Variants in PARD3 observed in about 807,000 individuals in gnomAD.
PARD3 encodes the protein par-3 family cell polarity regulator.
Under a neutral mutation model 155.4 loss-of-function variants are expected in PARD3, and 75 were observed. That is an observed-to-expected ratio of 0.48 (90% confidence interval 0.40 to 0.58). The LOEUF (loss-of-function observed/expected upper bound fraction) is 0.58. PARD3 is among the 20% of genes least tolerant of loss of function. The pLI is 0.00. For synonymous variants in PARD3, 576 were observed against 610.5 expected, an observed-to-expected ratio of 0.94 and a Z score of 0.83; for missense variants, 1,642 against 1,721.7, an observed-to-expected ratio of 0.95 and a Z score of 0.82.
chr10:34,610,880 G>C (rs2090841498), intron 2 of PARD3, among the ~76,000 whole-genome samples: 1 of 152,100 alleles, frequency 6.6e-6, no homozygotes, highest in Non-Finnish European at 1.5e-5. Context: ...GTCTGTAAAG[G>C]GTGGTGTGTG....
intron 1 of PARD3, among the ~76,000 whole-genome samples, chr10:34,797,778 T>C (rs1224228566): frequency 2.6e-5 from 4 of 152,184 alleles, no homozygotes; most frequent in African/African-American, 9.7e-5. Context: ...CCGTGCTGTC[T>C]CTCACTGCCC....
At chr10:34,496,362 T>C (rs1421421265) in intron 3 of PARD3, among the ~76,000 whole-genome samples, 1 of 152,128 alleles carries the variant, frequency 6.6e-6, no homozygotes, top group Non-Finnish European at 1.5e-5. Context: ...TATAGAAATA[T>C]TCCCCTACTA....
chr10:34,182,024 C>A (rs574602056), intron 22 of PARD3, among the ~76,000 whole-genome samples: 1 of 152,348 alleles, frequency 6.6e-6, no homozygotes, highest in South Asian at 2.1e-4. Flanking sequence ...GCTAACACTG[C>A]TCTCTTTCTG....
intron 22 of PARD3, among the ~76,000 whole-genome samples, chr10:34,155,688 G>GTGTT: frequency 6.6e-6 from 1 of 151,518 alleles, no homozygotes; most frequent in East Asian, 1.9e-4. Flanking sequence ...GTGTGTGTGT[G>GTGTT]TGTGTGTGTG....
At chr10:34,111,779 C>T (rs1946396410) in intron 24 of PARD3, among the ~76,000 whole-genome samples, 1 of 152,174 alleles carries the variant, frequency 6.6e-6, no homozygotes, top group Admixed American at 6.5e-5. Context: ...AACGAGTAAA[C>T]AGGAGAGAGA....
chr10:34,118,715 C>T (rs1946820144), intron 24 of PARD3, among the ~76,000 whole-genome samples: 1 of 152,172 alleles, frequency 6.6e-6, no homozygotes, highest in Admixed American at 6.5e-5. Context: ...CATTTGTCTC[C>T]TAACTCCCTA....
rs139581534 is a variant in PARD3 at position 34,416,949 on chromosome 10, G to C, written c.715-15032C>G. Among the ~76,000 whole-genome samples the C allele has an allele frequency of 9.8e-5, 15 of 152,288 alleles. No individual in the cohort carries two copies. In the East Asian group the frequency reaches 2.9e-3, roughly 29 times the overall value. ...TGGCCATAGGCCAAGCTAACTTTGG[G>C]AGGAATTTAGTTTACAGTTTAACCT... On this transcript the variant is annotated intron_variant, in intron 5 of 24. Coordinates refer to ENST00000374788, the MANE Select transcript of PARD3 (RefSeq NM_001184785.2).
chr10:34,450,492 C>T, intron 4 of PARD3, 44 bp from the exon 5 acceptor site: 1 of 1,575,362 alleles, frequency 6.3e-7, no homozygotes, highest in Middle Eastern at 2.3e-4. Context: ...AAAACCAGAC[C>T]TTGCAAATCA....
At position 34,337,386 on chromosome 10, in the gene PARD3, G is replaced by T. The variant is rs368537043; in HGVS notation, c.2449C>A (p.Arg817=). ...PDVDPVLAFQ[R]EGFGRQSMSE... ...ATACTCTGACGTCCAAATCCTTCTC[G>T]TTGAAAAGCAAGAACTGGATCAACA... is the stretch of plus-strand genomic sequence containing the variant. Residue 817 remains arginine (R), a synonymous_variant, in exon 17 of 25, where the codon CGA becomes AGA. Transcript: ENST00000374788. 2 of 1,599,456 alleles carry T rather than the reference G, an allele frequency of 1.3e-6. No homozygotes were observed. The highest frequency in any genetic ancestry group is 1.7e-6 in the Non-Finnish European group (2 of 1,173,208).
intron 23 of PARD3, among the ~76,000 whole-genome samples, chr10:34,123,691 T>C (rs1947126560): frequency 6.6e-6 from 1 of 152,150 alleles, no homozygotes; most frequent in Non-Finnish European, 1.5e-5. Flanking sequence ...CACCTTTGCC[T>C]CCCAAAGTGC....
Position 34,421,513 on chromosome 10 carries a change from A to G in PARD3, c.715-19596T>C, listed in dbSNP as rs564778924. 1.7e-3 allele frequency among the ~76,000 whole-genome samples: 264 copies of G among 152,216 alleles called. 1 individual carries two copies. The highest frequency in any genetic ancestry group is 6.2e-3 in the African/African-American group (256 of 41,556). On this transcript the variant is annotated intron_variant, in intron 5 of 24. Transcript: ENST00000374788. ...TTTTCATTCAACTTAAAAGCACAGG[A>G]ATCACTACCGCTTGAAGTAAACTTT...
chr10:34,411,788 T>G (rs1845099152), intron 5 of PARD3, among the ~76,000 whole-genome samples: 1 of 151,830 alleles, frequency 6.6e-6, no homozygotes, highest in Admixed American at 6.6e-5. Context: ...AGACAGAATC[T>G]CCATTCTACC....
At chr10:34,714,242 G>A (rs530847442) in intron 1 of PARD3, among the ~76,000 whole-genome samples, 27 of 152,186 alleles carry the variant, frequency 1.8e-4, no homozygotes, top group African/African-American at 6.5e-4. Context: ...GCTCCCAAAT[G>A]ACTTCAACAT....
chr10:34,232,539 T>A (rs895701112), intron 22 of PARD3, among the ~76,000 whole-genome samples: 4 of 152,128 alleles, frequency 2.6e-5, no homozygotes, highest in African/African-American at 9.7e-5. Context: ...GAATGAAATG[T>A]TCCTCTTTTA....
chr10:34,702,158 G>A (rs530880438), intron 1 of PARD3, among the ~76,000 whole-genome samples: 4 of 150,796 alleles, frequency 2.7e-5, no homozygotes, highest in East Asian at 2.0e-4. Flanking sequence ...GCAACACTCC[G>A]TCTCAAAATA....
intron 22 of PARD3, among the ~76,000 whole-genome samples, chr10:34,264,032 T>C (rs1269628633): frequency 3.9e-5 from 6 of 152,212 alleles, no homozygotes; most frequent in Admixed American, 2.6e-4. Flanking sequence ...CAATTCATTA[T>C]ACAGATGGTC....
chr10:34,261,040 G>A (rs1324583581), intron 22 of PARD3, among the ~76,000 whole-genome samples: 3 of 152,108 alleles, frequency 2.0e-5, no homozygotes, highest in African/African-American at 7.2e-5. Context: ...TTTCCATTAA[G>A]GTGTCCTCAG....
intron 2 of PARD3, among the ~76,000 whole-genome samples, chr10:34,612,447 G>T (rs776072817): frequency 3.3e-5 from 5 of 152,048 alleles, no homozygotes; most frequent in African/African-American, 9.7e-5. Context: ...TTAGGAAAAA[G>T]AAAAAATAAA....
At chr10:34,175,959 G>A (rs892332055) in intron 22 of PARD3, among the ~76,000 whole-genome samples, 68 of 152,076 alleles carry the variant, frequency 4.5e-4, no homozygotes, top group South Asian at 2.1e-4. Context: ...TTTTCAAATG[G>A]TGACTTCAGT....
Sources: gnomAD v4.1 joint callset for allele counts (sites outside exome capture counted in the v4.1 genomes callset) on GRCh38, gnomAD v4.1.1 for gene constraint, MANE v1.5 for transcripts, NCBI Gene and HGNC (gene_info 2026-07-23, HGNC 2026-07-21) for gene names.